Variants in HIVEP3 observed in about 807,000 individuals in gnomAD.
The protein encoded by HIVEP3 is HIVEP zinc finger 3.
In HIVEP3, 49 loss-of-function variants were observed where a neutral mutation model predicts 152.8. The observed-to-expected ratio is 0.32, with a 90% CI of 0.26 to 0.41. The LOEUF is 0.41. Ranked by LOEUF, HIVEP3 falls within the 10% of genes least tolerant of loss-of-function variation. HIVEP3 has a pLI of 1.00. For synonymous variants in HIVEP3, 1,269 were observed against 1,289.0 expected (o/e 0.98, Z 0.33); for missense variants, 2,790 against 3,103.3 (o/e 0.90, Z 2.40).
At chr1:41,991,214 C>T (rs1281608193) in intron 1 of HIVEP3, among the ~76,000 whole-genome samples, 2 of 152,110 alleles carry the variant, frequency 1.3e-5, no homozygotes, top group African/African-American at 4.8e-5. Context: ...AATCCAGGAG[C>T]TGGTTTTTTG....
intron 6 of HIVEP3, among the ~76,000 whole-genome samples, chr1:41,521,560 G>A (rs1475373158): frequency 6.6e-6 from 1 of 152,198 alleles, no homozygotes; most frequent in African/African-American, 2.4e-5. Flanking sequence ...GGGGCACACG[G>A]CTGCAGGCAC....
At chr1:42,014,488 G>A (rs375173239) in intron 1 of HIVEP3, among the ~76,000 whole-genome samples, 13 of 152,040 alleles carry the variant, frequency 8.6e-5, no homozygotes, top group East Asian at 1.9e-4. Context: ...AAATGATGGC[G>A]GGACAACAGA....
At chr1:41,596,994 G>A (rs907265817) in intron 3 of HIVEP3, among the ~76,000 whole-genome samples, 1 of 152,128 alleles carries the variant, frequency 6.6e-6, no homozygotes, top group South Asian at 2.1e-4. Context: ...CCTCAATAAT[G>A]AATGGTGGAT....
chr1:41,779,023 T>C (rs1210885997), intron 1 of HIVEP3, among the ~76,000 whole-genome samples: 2 of 152,176 alleles, frequency 1.3e-5, no homozygotes, highest in Non-Finnish European at 2.9e-5. Context: ...GCCTACTCCA[T>C]ACCTCATACC....
At chr1:41,519,203 G>C (rs752028482) in intron 6 of HIVEP3, among the ~76,000 whole-genome samples, 3 of 152,206 alleles carry the variant, frequency 2.0e-5, no homozygotes, top group Non-Finnish European at 2.9e-5. Flanking sequence ...ACAGGACCAG[G>C]GTGGTTCAGG....
chr1:41,829,261 C>T (rs1642892488), intron 1 of HIVEP3, among the ~76,000 whole-genome samples: 1 of 152,226 alleles, frequency 6.6e-6, no homozygotes, highest in South Asian at 2.1e-4. Context: ...ACCTGACACA[C>T]ATTTATAGAA....
rs1469111738 is a variant in HIVEP3, at chr1:41,511,183, G to A, written c.6489C>T (p.Asp2163=). The A allele has an allele frequency of 5.0e-6, 8 of 1,614,200 alleles. No homozygotes were observed. The highest frequency in any genetic ancestry group is 1.7e-4 in the Middle Eastern group (1 of 6,060). Reference sequence around the variant, plus strand: ...TCCGGGCCAGGATGTGGCCGTGGAAGTCATGGAGGGCGGAGAAGGGTCGGG... The same window carrying A: ...TCCGGGCCAGGATGTGGCCGTGGAAATCATGGAGGGCGGAGAAGGGTCGGG... ...LSSRPFSALH[D]FHGHILARTE... The change falls in exon 9 of 9, where the codon GAC becomes GAT. Residue 2163 remains aspartate, a synonymous_variant. Coordinates refer to ENST00000372583, the MANE Select transcript of HIVEP3 (RefSeq NM_024503.5). This position sits in a 1 kb window ranked among gnomAD's most constrained non-coding sequence, Gnocchi z 4.9.
intron 1 of HIVEP3, among the ~76,000 whole-genome samples, chr1:41,710,214 C>T (rs1646492089): frequency 6.6e-6 from 1 of 152,162 alleles, no homozygotes; most frequent in Non-Finnish European, 1.5e-5. Flanking sequence ...TCCCACCTCC[C>T]CTCTCCTAGC....
At chr1:41,754,745 G>A (rs1647237636) in intron 1 of HIVEP3, among the ~76,000 whole-genome samples, 1 of 152,138 alleles carries the variant, frequency 6.6e-6, no homozygotes, top group South Asian at 2.1e-4. Context: ...CAGATCTGGG[G>A]GCACTGGCTG....
At chr1:41,613,445 C>T (rs995031543) in intron 3 of HIVEP3, among the ~76,000 whole-genome samples, 6 of 152,182 alleles carry the variant, frequency 3.9e-5, no homozygotes, top group African/African-American at 1.2e-4. Flanking sequence ...ATTTTAAACA[C>T]CTTCATGTTC....
chr1:41,914,149 AT>A (rs1409438028), intron 1 of HIVEP3, among the ~76,000 whole-genome samples: 7 of 152,280 alleles, frequency 4.6e-5, no homozygotes, highest in African/African-American at 1.7e-4. Flanking sequence ...CACCACTTCC[AT>A]TGTTGTCCTG....
intron 3 of HIVEP3, among the ~76,000 whole-genome samples, chr1:41,607,034 G>A (rs1365787016): frequency 6.6e-6 from 1 of 151,798 alleles, no homozygotes; most frequent in African/African-American, 2.4e-5. Flanking sequence ...ATATTGCTCA[G>A]TGTGGTCTTG....
At chr1:42,020,231 CT>C (rs1314578690) in intron 1 of HIVEP3, among the ~76,000 whole-genome samples, 5 of 151,634 alleles carry the variant, frequency 3.3e-5, no homozygotes, top group Non-Finnish European at 5.9e-5. Context: ...GGAAATGTTA[CT>C]TTTTTTTCTA....
intron 1 of HIVEP3, among the ~76,000 whole-genome samples, chr1:41,948,791 C>T (rs559653312): frequency 6.7e-6 from 1 of 148,212 alleles, no homozygotes; most frequent in East Asian, 1.9e-4. Flanking sequence ...TGATAGCACC[C>T]ATCAGATGGC....
chr1:41,702,868 C>T (rs56212190), intron 1 of HIVEP3, among the ~76,000 whole-genome samples: 6,763 of 152,306 alleles, frequency 0.044, 174 homozygotes, highest in Middle Eastern at 0.1. Flanking sequence ...AAAACCCCAA[C>T]AGATGTCCTG....
chr1:41,967,978 A>G (rs546868965), intron 1 of HIVEP3, among the ~76,000 whole-genome samples: 2 of 152,082 alleles, frequency 1.3e-5, no homozygotes, highest in South Asian at 4.2e-4. Context: ...GACACATACA[A>G]CCTCCCAAGA....
intron 1 of HIVEP3, among the ~76,000 whole-genome samples, chr1:41,877,161 C>A (rs144241434): frequency 6.6e-6 from 1 of 152,280 alleles, no homozygotes; most frequent in African/African-American, 2.4e-5. Flanking sequence ...CAGAATTCTC[C>A]TTTCCCCAAG....
intron 2 of HIVEP3, among the ~76,000 whole-genome samples, chr1:41,635,533 C>T (rs933963975): frequency 6.9e-6 from 1 of 144,444 alleles, no homozygotes; most frequent in Non-Finnish European, 1.5e-5. Flanking sequence ...TACATATATG[C>T]ACGTATATGT....
chr1:41,856,182 A>G (rs994822141), intron 1 of HIVEP3, among the ~76,000 whole-genome samples: 1 of 152,258 alleles, frequency 6.6e-6, no homozygotes, highest in Non-Finnish European at 1.5e-5. Flanking sequence ...ATGTGTCAGC[A>G]GCAAATCCAA....
Sources: allele counts gnomAD v4.1 joint callset (sites outside exome capture counted in the v4.1 genomes callset), GRCh38; gene constraint gnomAD v4.1.1; non-coding constraint Gnocchi (gnomAD v3.1); transcripts MANE v1.5; gene names NCBI Gene and HGNC (gene_info 2026-07-23, HGNC 2026-07-21).